ASPH: variants seen among roughly 807,000 people sequenced by gnomAD.
The protein encoded by ASPH is aspartate beta-hydroxylase, also known as aspartyl/asparaginyl beta-hydroxylase.
Under a neutral mutation model 118.4 loss-of-function variants are expected in ASPH, and 100 were observed. The ratio of observed to expected loss-of-function variants is 0.84; its 90% CI spans 0.72 to 1.00. The LOEUF is 1.00. Among genes scored for constraint, ASPH ranks in the 50% least tolerant of loss-of-function variants. The pLI is 0.00. For synonymous variants in ASPH, 315 were observed against 325.6 expected (o/e 0.97, Z 0.35); for missense variants, 920 against 919.5 (o/e 1.00, Z -0.01).
chr8:61,590,795 A>T (rs1285048102), intron 14 of ASPH, among the ~76,000 whole-genome samples: 1 of 151,908 alleles, frequency 6.6e-6, no homozygotes, highest in African/African-American at 2.4e-5. Flanking sequence ...GGTTTTTCTC[A>T]TGGTGTTTTA....
In ASPH at chr8:61,685,429, T is replaced by A. The variant is rs557065303; in HGVS notation, c.104-1241A>T. 2.0e-5 allele frequency among the ~76,000 whole-genome samples: 3 copies of A among 152,272 alleles called. No individual in the cohort carries two copies. The South Asian group carries it at 6.2e-4, about 32-fold the overall frequency. On this transcript the variant is annotated intron_variant, in intron 1 of 24. Coordinates refer to ENST00000379454, the MANE Select transcript of ASPH (RefSeq NM_004318.4). ...GTCACCAGTACAAGTTGGGTAGAAC[T>A]AAGAACATACTCTCATCTCTACAGC...
intron 1 of ASPH, among the ~76,000 whole-genome samples, chr8:61,686,348 T>C (rs1157845531): frequency 6.6e-6 from 1 of 152,150 alleles, no homozygotes; most frequent in Non-Finnish European, 1.5e-5. Flanking sequence ...GTCTGCAATG[T>C]TGGTAGAGGG....
intron 3 of ASPH, chr8:61,657,523 A>G (rs1814354375): frequency 6.6e-6 from 1 of 152,234 alleles, no homozygotes; most frequent in African/African-American, 2.4e-5. Context: ...TAAACACAGA[A>G]AAGGTACAGT....
At chr8:61,618,250 T>C (rs1187450161) in intron 14 of ASPH, among the ~76,000 whole-genome samples, 2 of 152,226 alleles carry the variant, frequency 1.3e-5, no homozygotes, top group Non-Finnish European at 2.9e-5. Context: ...GATACATATG[T>C]AGATACTGCT....
chr8:61,703,256 C>T (rs1158108456), intron 1 of ASPH, among the ~76,000 whole-genome samples: 1 of 152,164 alleles, frequency 6.6e-6, no homozygotes, highest in Non-Finnish European at 1.5e-5. Flanking sequence ...TGTCTACTCT[C>T]ATCACTGGTA....
intron 14 of ASPH, among the ~76,000 whole-genome samples, chr8:61,585,521 A>T (rs1184407561): frequency 6.6e-6 from 1 of 152,158 alleles, no homozygotes; most frequent in African/African-American, 2.4e-5. Context: ...CCTCTCCGCC[A>T]ACACACACAC....
intron 21 of ASPH, among the ~76,000 whole-genome samples, chr8:61,526,832 T>G (rs1375634985): frequency 6.6e-6 from 1 of 151,860 alleles, no homozygotes; most frequent in Non-Finnish European, 1.5e-5. Context: ...TGGGTGTTGA[T>G]TAGGAGTGGG....
chr8:61,562,282 C>CTG (rs1830200038), intron 18 of ASPH, among the ~76,000 whole-genome samples: 1 of 36,432 alleles, frequency 2.7e-5, no homozygotes, highest in Admixed American at 2.4e-4. Flanking sequence ...AGTCAGTGCC[C>CTG]TGCTGAAAAG....
chr8:61,626,806 T>C (rs540567232), intron 13 of ASPH, among the ~76,000 whole-genome samples: 12 of 151,998 alleles, frequency 7.9e-5, no homozygotes, highest in Non-Finnish European at 1.6e-4. Flanking sequence ...ATAAGTATTT[T>C]AAAAGAAGTA....
At chr8:61,658,049 A>G (rs1814695666) in intron 3 of ASPH, 1 of 152,142 alleles carries the variant, frequency 6.6e-6, no homozygotes, top group African/African-American at 2.4e-5. Context: ...AATTTATCCC[A>G]AGAATAAGGC....
rs752226869 is a variant in ASPH, at chr8:61,644,612, C to T, written c.640G>A (p.Val214Met). Residue 214 changes from valine (V) to methionine (M), a missense_variant, in exon 7 of 25, where the codon GTG (valine) becomes ATG (methionine). Transcript: ENST00000379454. The stretch of plus-strand genomic sequence containing the variant: ...ATTAAAATCTCACCTGTCTCTTCCA[C>T]GTGGTAACTATGCTCGGTTTCTGGA... ...SHEETEHSYH[V>M]EETVSQDCNQ... 32 of 1,584,260 alleles carry T rather than the reference C, an allele frequency of 2.0e-5. No individual in the cohort carries two copies. Among genetic ancestry groups the T allele is most frequent in the Admixed American group, 3.5e-5 (2 of 56,824 alleles).
chr8:61,654,309 T>C (rs558764737), intron 3 of ASPH, among the ~76,000 whole-genome samples: 36 of 152,344 alleles, frequency 2.4e-4, no homozygotes, highest in African/African-American at 8.7e-4. Context: ...ATCTATTATA[T>C]TAACTTAGTT....
intron 21 of ASPH, among the ~76,000 whole-genome samples, chr8:61,536,574 G>C (rs1819696102): frequency 6.6e-6 from 1 of 152,182 alleles, no homozygotes; most frequent in African/African-American, 2.4e-5. Flanking sequence ...CTAGAAGCAG[G>C]ACATCCTATG....
intron 1 of ASPH, among the ~76,000 whole-genome samples, chr8:61,693,143 G>A (rs1833062655): frequency 6.6e-6 from 1 of 152,128 alleles, no homozygotes; most frequent in Non-Finnish European, 1.5e-5. Flanking sequence ...CCGTAACCAT[G>A]TGATTTCAAT....
intron 14 of ASPH, among the ~76,000 whole-genome samples, chr8:61,601,199 C>T (rs1336389914): frequency 6.6e-6 from 1 of 151,098 alleles, no homozygotes; most frequent in African/African-American, 2.5e-5. Context: ...GAGAGAACAT[C>T]AGCAAGGATA....
chr8:61,599,506 A>G (rs1222191496), intron 14 of ASPH, among the ~76,000 whole-genome samples: 1 of 151,902 alleles, frequency 6.6e-6, no homozygotes, highest in Non-Finnish European at 1.5e-5. Context: ...AGAAAAACAA[A>G]ATTGATAAAA....
intron 14 of ASPH, among the ~76,000 whole-genome samples, chr8:61,614,120 T>C (rs73265190): frequency 0.017 from 2,532 of 152,192 alleles, 64 homozygotes; most frequent in African/African-American, 0.058. Context: ...GTTAGGGCCC[T>C]GATTATGACT....
chr8:61,681,135 T>C, intron 2 of ASPH, 99 bp from the exon 3 acceptor site: 2 of 904,826 alleles, frequency 2.2e-6, no homozygotes, highest in Non-Finnish European at 3.2e-6. Context: ...GTCATAAATG[T>C]TACCAATTAA....
Position 61,500,894 on chromosome 8 carries a change from GTCATAA to G in ASPH, c.*2459_*2464del, listed in dbSNP as rs1804763442. 6.6e-6 allele frequency: 1 copy of G among 151,942 alleles called. No homozygotes were observed. Among genetic ancestry groups the G allele is most frequent in the Non-Finnish European group, 1.5e-5 (1 of 67,974 alleles). 9.4% of individuals were successfully genotyped at this position (151,942 alleles called of 1,614,324 possible). On this transcript the variant is annotated 3_prime_UTR_variant, in exon 25 of 25. Coordinates refer to ENST00000379454, the MANE Select transcript of ASPH (RefSeq NM_004318.4). ...TCAAGGGAAAGAGATTATTCAACTG[GTCATAA>G]TCACCCCTGATAATATTATTACTAA...
Sources: gnomAD v4.1 joint callset for allele counts (sites outside exome capture counted in the v4.1 genomes callset) on GRCh38, gnomAD v4.1.1 for gene constraint, MANE v1.5 for transcripts, NCBI Gene and HGNC (gene_info 2026-07-23, HGNC 2026-07-21) for gene names.